ZFAT: variants seen among roughly 807,000 people sequenced by gnomAD.
The protein encoded by ZFAT is zinc finger and AT-hook domain containing, also known as zinc finger protein ZFAT.
A neutral mutation model predicts 117.7 loss-of-function variants in ZFAT; 64 were observed. That is an observed-to-expected ratio of 0.54 (90% CI 0.44 to 0.67). ZFAT has a LOEUF of 0.67. ZFAT is among the 30% of genes least tolerant of loss of function. ZFAT has a pLI of 0.00. For missense variants in ZFAT, 1,433 were observed against 1,584.5 expected, an observed-to-expected ratio of 0.90 and a Z score of 1.62; for synonymous variants, 679 against 615.0, an observed-to-expected ratio of 1.10 and a Z score of -1.54.
At chr8:134,790,417 G>A in the ZFAT span, among the ~76,000 whole-genome samples, 1 of 152,148 alleles carries the variant, frequency 6.6e-6, no homozygotes, top group African/African-American at 2.4e-5. Flanking sequence ...TTCTTGCTCG[G>A]TTAATATAAC....
chr8:134,666,403 A>C (rs1832220376), intron 1 of ZFAT, among the ~76,000 whole-genome samples: 1 of 152,264 alleles, frequency 6.6e-6, no homozygotes, highest in Non-Finnish European at 1.5e-5. Flanking sequence ...GATTCAATTA[A>C]AAATCATTCC....
the ZFAT span, among the ~76,000 whole-genome samples, chr8:134,742,486 A>G: frequency 1.3e-5 from 2 of 152,124 alleles, no homozygotes; most frequent in Non-Finnish European, 2.9e-5. Flanking sequence ...TCGGGGTTCA[A>G]TCTGGCCACA....
chr8:134,798,126 T>C, the ZFAT span: 1 of 152,018 alleles, frequency 6.6e-6, no homozygotes. Context: ...ACCATAACAT[T>C]TTCCTATTGG....
chr8:134,577,402 C>A (rs1405592642), intron 10 of ZFAT, among the ~76,000 whole-genome samples: 1 of 152,226 alleles, frequency 6.6e-6, no homozygotes, highest in Non-Finnish European at 1.5e-5. Flanking sequence ...TTATTCAATT[C>A]CTTTTTACTT....
the ZFAT span, among the ~76,000 whole-genome samples, chr8:134,757,117 A>T: frequency 6.7e-6 from 1 of 149,828 alleles, no homozygotes; most frequent in African/African-American, 2.5e-5. Flanking sequence ...CCCGGGTTCA[A>T]GCACTTCTCC....
the ZFAT span, among the ~76,000 whole-genome samples, chr8:134,726,741 G>T: frequency 1.2e-4 from 18 of 150,900 alleles, no homozygotes; most frequent in South Asian, 1.7e-3. Flanking sequence ...AGCTGGGACC[G>T]CAGGTGAACG....
At chr8:134,692,940 T>C (rs540761144) in intron 1 of ZFAT, among the ~76,000 whole-genome samples, 3 of 152,186 alleles carry the variant, frequency 2.0e-5, no homozygotes, top group East Asian at 3.8e-4. Context: ...GTTATCAATA[T>C]GGAAAGGAGA....
chr8:134,770,394 T>G, the ZFAT span, among the ~76,000 whole-genome samples: 1 of 152,236 alleles, frequency 6.6e-6, no homozygotes, highest in South Asian at 2.1e-4. Context: ...TATGCCTGTC[T>G]TTACTGCAGT....
intron 15 of ZFAT, among the ~76,000 whole-genome samples, chr8:134,480,889 G>A (rs1817255327): frequency 6.6e-6 from 1 of 152,200 alleles, no homozygotes; most frequent in Non-Finnish European, 1.5e-5. Context: ...TGAGTGAGAA[G>A]GGCTGTGTCA....
chr8:134,580,214 G>A (rs1347453215), intron 10 of ZFAT, among the ~76,000 whole-genome samples: 1 of 151,708 alleles, frequency 6.6e-6, no homozygotes, highest in Non-Finnish European at 1.5e-5. Flanking sequence ...ACCCTACTAG[G>A]AAGGGGCAAA....
In ZFAT at chr8:134,584,004, A is replaced by G; in HGVS notation, c.2715T>C (p.Gly905=). ...DLQRHIWAHE[G]VKPFKCSLCE... Reference sequence around the variant, plus strand: ...ACAAAGAACACTTGAAGGGCTTCACACCTGCCAAGGGAAAAATGTATATAT... The same window carrying G: ...ACAAAGAACACTTGAAGGGCTTCACGCCTGCCAAGGGAAAAATGTATATAT... Residue 905 remains glycine, a splice_region_variant and synonymous_variant, in exon 10 of 16, where the codon GGT becomes GGC. Transcript: ENST00000377838. The G allele has an allele frequency of 6.4e-7, 1 of 1,553,062 alleles. No individual in the cohort carries two copies. Among genetic ancestry groups the G allele is most frequent in the Non-Finnish European group, 8.7e-7 (1 of 1,147,612 alleles).
Position 134,649,199 on chromosome 8 carries a change from ACACC to A in ZFAT, c.196+8358_196+8361del, listed in dbSNP as rs576843257. Among the ~76,000 whole-genome samples the A allele has an allele frequency of 6.2e-4, 93 of 150,538 alleles. 3 individuals are homozygous for A. Among genetic ancestry groups the A allele is most frequent in the Admixed American group, 2.4e-3 (36 of 15,092 alleles). ...CACACACACACACACACACACACAC[ACACC>A]CCATCATACTTAATGGTAAAAGACT... On this transcript the variant is annotated intron_variant, in intron 2 of 15. Transcript: ENST00000377838.
chr8:134,798,234 A>C, the ZFAT span: 1 of 152,034 alleles, frequency 6.6e-6, no homozygotes. Context: ...AATCTTCAAA[A>C]TTCACAGAAA....
At chr8:134,556,801 C>A (rs919272577) in intron 11 of ZFAT, among the ~76,000 whole-genome samples, 6 of 152,028 alleles carry the variant, frequency 3.9e-5, no homozygotes, top group African/African-American at 1.4e-4. Flanking sequence ...AGAAGTTCTC[C>A]AAGCTAAAGA....
the ZFAT span, among the ~76,000 whole-genome samples, chr8:134,811,229 A>G: frequency 6.6e-6 from 1 of 152,254 alleles, no homozygotes; most frequent in South Asian, 2.1e-4. Flanking sequence ...AGGAATGATC[A>G]GTAACAGAAT....
chr8:134,528,514 A>G (rs1217785048), intron 12 of ZFAT, among the ~76,000 whole-genome samples: 1 of 152,224 alleles, frequency 6.6e-6, no homozygotes, highest in African/African-American at 2.4e-5. Context: ...TAAAAAACTA[A>G]TACACAAATA....
At chr8:134,803,922 C>T in the ZFAT span, among the ~76,000 whole-genome samples, 34 of 152,018 alleles carry the variant, frequency 2.2e-4, no homozygotes, top group East Asian at 6.6e-3. Context: ...TGTATGGAAC[C>T]TAACATAGTA....
At chr8:134,726,160 C>T in the ZFAT span, among the ~76,000 whole-genome samples, 1 of 151,952 alleles carries the variant, frequency 6.6e-6, no homozygotes, top group Non-Finnish European at 1.5e-5. Flanking sequence ...GGAAAGAATT[C>T]ATCTGAGGAA....
rs1586622285 is a variant in ZFAT, at chr8:134,514,669, T to G, written c.3235-2068A>C. ...TTATAGGTGACAGAGGATTCAAAGTTAAGTCTGTCAGACTCCAAAACTCTT... is the reference window on the plus strand; with the variant it reads ...TTATAGGTGACAGAGGATTCAAAGTGAAGTCTGTCAGACTCCAAAACTCTT... On this transcript the variant is annotated intron_variant, in intron 13 of 15. Coordinates refer to ENST00000377838, the MANE Select transcript of ZFAT (RefSeq NM_020863.4). Among the ~76,000 whole-genome samples, 3 of 152,266 alleles carry G rather than the reference T, an allele frequency of 2.0e-5. No homozygotes were observed. The South Asian group carries it at 6.2e-4, about 32-fold the overall frequency.
Sources: allele counts gnomAD v4.1 joint callset (sites outside exome capture counted in the v4.1 genomes callset), GRCh38; gene constraint gnomAD v4.1.1; transcripts MANE v1.5; gene names NCBI Gene and HGNC (gene_info 2026-07-23, HGNC 2026-07-21).